The following ABLIM1 variants were observed in gnomAD, a reference collection of about 807,000 sequenced individuals.
ABLIM1 encodes actin-binding LIM protein 1.
A neutral mutation model predicts 107.0 loss-of-function variants in ABLIM1; 40 were observed. That is an observed-to-expected ratio of 0.37 (90% CI 0.29 to 0.49). ABLIM1 has a LOEUF of 0.49. Ranked by LOEUF, ABLIM1 falls within the 20% of genes least tolerant of loss-of-function variation. ABLIM1 has a pLI of 0.97. For missense variants in ABLIM1, 857 were observed against 1,008.5 expected (o/e 0.85, Z 2.04); for synonymous variants, 357 against 357.3 (o/e 1.00, Z 0.01).
the ABLIM1 span, among the ~76,000 whole-genome samples, chr10:114,793,961 TAC>T: frequency 6.6e-6 from 1 of 152,236 alleles, no homozygotes; most frequent in Non-Finnish European, 1.5e-5. Flanking sequence ...CTTCTGCAGT[TAC>T]AGTCCTGTAG....
At position 114,584,135 on chromosome 10, in the gene ABLIM1, AAAAAG is replaced by A. The variant is rs59128795; in HGVS notation, c.380-8541_380-8537del. On this transcript the variant is annotated intron_variant, in intron 2 of 22. Coordinates refer to ENST00000533213, the MANE Select transcript of ABLIM1 (RefSeq NM_002313.7). ...TCTAAAGTAAAAGTCAAAATTAAGA[AAAAAG>A]AAAAGAAAAGAAAAGAAAAGAAAGT... is the stretch of plus-strand genomic sequence containing the variant. Among the ~76,000 whole-genome samples, 64 of 149,316 alleles carry A rather than the reference AAAAAG, an allele frequency of 4.3e-4. No individual in the cohort carries two copies. In the East Asian group the frequency reaches 5.1e-3, roughly 12 times the overall value.
intron 1 of ABLIM1, among the ~76,000 whole-genome samples, chr10:114,618,577 C>T (rs1436630790): frequency 2.0e-5 from 3 of 152,348 alleles, no homozygotes; most frequent in Admixed American, 1.3e-4. Flanking sequence ...TGGAAGCACA[C>T]TGCCCCTGGG....
At position 114,640,239 on chromosome 10, in the gene ABLIM1, G is replaced by C. The variant is rs115727914; in HGVS notation, c.244+17718C>G. ...CGTATCAAGAAGTGAAATGAAAACA[G>C]TTGAGGGCTGGGCACGGTGGCTCAC... On this transcript the variant is annotated intron_variant, in intron 1 of 22. Transcript: ENST00000533213. Among the ~76,000 whole-genome samples the C allele has an allele frequency of 1.6e-3, 250 of 152,288 alleles. 3 individuals carry two copies. Among genetic ancestry groups the C allele is most frequent in the African/African-American group, 5.7e-3 (238 of 41,568 alleles).
chr10:114,784,752 T>C, the ABLIM1 span, among the ~76,000 whole-genome samples: 2 of 149,862 alleles, frequency 1.3e-5, no homozygotes, highest in Non-Finnish European at 3.0e-5. Context: ...TGAAATAAAC[T>C]CAGTGAGATT....
At chr10:114,685,628 G>A (rs944909909), upstream of ABLIM1, among the ~76,000 whole-genome samples, 1 of 152,150 alleles carries the variant, frequency 6.6e-6, no homozygotes, top group Non-Finnish European at 1.5e-5. Flanking sequence ...TGACTTGGCT[G>A]TAGCACCAGG....
At chr10:114,598,274 C>CAAAAAAAAA (rs58133284) in intron 2 of ABLIM1, among the ~76,000 whole-genome samples, 1 of 63,806 alleles carries the variant, frequency 1.6e-5, no homozygotes, top group Non-Finnish European at 2.7e-5. Context: ...AACTCCATCT[C>CAAAAAAAAA]AAAAAAAAAA....
At chr10:114,440,858 A>T in intron 19 of ABLIM1, 159 bp downstream of exon 19, 1 of 771,256 alleles carries the variant, frequency 1.3e-6, no homozygotes, top group Non-Finnish European at 2.3e-6. Context: ...ATATTCTTTG[A>T]AATTTTGTAA....
At chr10:114,789,125 C>T in the ABLIM1 span, among the ~76,000 whole-genome samples, 4 of 151,576 alleles carry the variant, frequency 2.6e-5, no homozygotes, top group Non-Finnish European at 4.4e-5. Context: ...AGTGATGGCA[C>T]GTGCCTGTAG....
chr10:114,789,169 C>T, the ABLIM1 span, among the ~76,000 whole-genome samples: 1 of 151,856 alleles, frequency 6.6e-6, no homozygotes, highest in East Asian at 1.9e-4. Flanking sequence ...GCAGAAGAAT[C>T]GCTTGAACCT....
Position 114,502,727 on chromosome 10 carries a change from C to T in ABLIM1, c.895-10849G>A, listed in dbSNP as rs565925875. On this transcript the variant is annotated intron_variant, in intron 6 of 22. Transcript: ENST00000533213. Reference sequence around the variant, plus strand: ...GGCCAGACTGGTCTCGAGCTCCTGGCCTCAAGTGATCCACCCACCTGGCCA... The same window carrying T: ...GGCCAGACTGGTCTCGAGCTCCTGGTCTCAAGTGATCCACCCACCTGGCCA... 4.6e-5 allele frequency among the ~76,000 whole-genome samples: 7 copies of T among 152,184 alleles called. No homozygotes were observed. The South Asian group carries it at 1.5e-3, about 32-fold the overall frequency.
At chr10:114,746,713 C>A (rs1026436340) in intron 1 of ABLIM1, among the ~76,000 whole-genome samples, 3 of 152,160 alleles carry the variant, frequency 2.0e-5, no homozygotes, top group African/African-American at 7.2e-5. Context: ...ACATCCTCAC[C>A]AACGCTCATC....
intron 1 of ABLIM1, among the ~76,000 whole-genome samples, chr10:114,759,005 C>T (rs2082688384): frequency 6.6e-6 from 1 of 152,106 alleles, no homozygotes; most frequent in Non-Finnish European, 1.5e-5. Context: ...CTCCTACAAG[C>T]AAGCCTATAA....
chr10:114,580,295 C>T (rs1043236169), intron 2 of ABLIM1, among the ~76,000 whole-genome samples: 1 of 151,878 alleles, frequency 6.6e-6, no homozygotes, highest in Non-Finnish European at 1.5e-5. Context: ...CAGCCTTCAA[C>T]TCCTGGGTGC....
At chr10:114,568,196 C>CAAAAAAAAAAA (rs34861242) in intron 4 of ABLIM1, among the ~76,000 whole-genome samples, 5 of 52,382 alleles carry the variant, frequency 9.5e-5, no homozygotes, top group African/African-American at 2.9e-4. Context: ...GACTCCGTCT[C>CAAAAAAAAAAA]AAAAAAAAAA....
intron 1 of ABLIM1, among the ~76,000 whole-genome samples, chr10:114,680,566 T>G (rs1373738316): frequency 6.6e-6 from 1 of 152,238 alleles, no homozygotes; most frequent in Admixed American, 6.5e-5. Flanking sequence ...AGAAATGGTT[T>G]CTGAGGACAA....
intron 1 of ABLIM1, among the ~76,000 whole-genome samples, chr10:114,721,216 G>C (rs1005814955): frequency 2.6e-5 from 4 of 152,264 alleles, no homozygotes; most frequent in African/African-American, 7.2e-5. Flanking sequence ...GATCCCTTTG[G>C]GGGCAGCTTC....
intron 5 of ABLIM1, among the ~76,000 whole-genome samples, chr10:114,547,086 C>T (rs1231108822): frequency 6.6e-6 from 1 of 151,974 alleles, no homozygotes; most frequent in African/African-American, 2.4e-5. Flanking sequence ...CCACCACGCC[C>T]AGCAGGAAAA....
the ABLIM1 span, among the ~76,000 whole-genome samples, chr10:114,781,306 C>A: frequency 1.3e-5 from 2 of 151,978 alleles, no homozygotes; most frequent in African/African-American, 4.8e-5. Flanking sequence ...GACTTAAAGA[C>A]CAGCCTGGGC....
chr10:114,440,942 A>G (rs2060102707), intron 19 of ABLIM1, 75 bp downstream of exon 19: 3 of 1,355,906 alleles, frequency 2.2e-6, no homozygotes, highest in Non-Finnish European at 3.1e-6. Context: ...GAACACAGCC[A>G]GTATACTTGA....
Sources: allele counts gnomAD v4.1 joint callset (sites outside exome capture counted in the v4.1 genomes callset), GRCh38; gene constraint gnomAD v4.1.1; transcripts MANE v1.5; gene names NCBI Gene and HGNC (gene_info 2026-07-23, HGNC 2026-07-21).